BAHCC1: variants seen among roughly 807,000 people sequenced by gnomAD.
BAHCC1 encodes BAH domain and coiled-coil containing 1.
BAHCC1 carries 43 observed loss-of-function variants against 88.2 expected under a neutral mutation model. The ratio of observed to expected loss-of-function variants is 0.49; its 90% CI spans 0.38 to 0.63. The LOEUF is 0.63. Ranked by LOEUF, BAHCC1 falls within the 20% of genes least tolerant of loss-of-function variation. The pLI is 0.00. For missense variants in BAHCC1, 3,023 were observed against 1,654.8 expected, an observed-to-expected ratio of 1.83 and a Z score of -14.34; for synonymous variants, 1,510 against 745.5, an observed-to-expected ratio of 2.03 and a Z score of -16.71.
intron 2 of BAHCC1, among the ~76,000 whole-genome samples, chr17:81,419,154 G>A (rs2143337683): frequency 6.6e-6 from 1 of 152,304 alleles, no homozygotes; most frequent in South Asian, 2.1e-4. Context: ...ACACTGGGGT[G>A]GCATGTGGCT....
chr17:81,435,055 A>G lies in BAHCC1; in HGVS notation c.359-3315A>G, dbSNP rs782472474. The stretch of plus-strand genomic sequence containing the variant: ...CCGTCCCCAGCCCCCATTTCTCTGC[A>G]CGGTGCCCTCCCACTCCTCTGTCCT... On this transcript the variant is annotated intron_variant, in intron 3 of 27. Transcript: ENST00000675386. This position sits in a 1 kb window ranked among gnomAD's most constrained non-coding sequence, Gnocchi z 4.4. 2.8e-4 allele frequency among the ~76,000 whole-genome samples: 43 copies of G among 151,742 alleles called. No individual in the cohort carries two copies. The highest frequency in any genetic ancestry group is 5.7e-4 in the Non-Finnish European group (39 of 67,838).
intron 2 of BAHCC1, among the ~76,000 whole-genome samples, chr17:81,421,183 G>A (rs2064111572): frequency 6.6e-6 from 1 of 152,222 alleles, no homozygotes; most frequent in Non-Finnish European, 1.5e-5. Context: ...GCCTGGGCTG[G>A]TAACCACAGC....
Position 81,399,256 on chromosome 17 carries a change from A to G in BAHCC1, c.-206-278A>G. 2.5e-6 allele frequency: 1 copy of G among 398,744 alleles called. No homozygotes were observed. Among genetic ancestry groups the G allele is most frequent in the Non-Finnish European group, 5.1e-6 (1 of 197,730 alleles). The allele number at this position is 398,744 out of a possible 1,614,324, so 24.7% of individuals were successfully genotyped here. A position where few individuals can be genotyped will look rare whatever the true frequency, so the allele number is the denominator to read the frequency against. On this transcript the variant is annotated intron_variant, in intron 1 of 27. Transcript: ENST00000675386. This position sits in a 1 kb window ranked among gnomAD's most constrained non-coding sequence, Gnocchi z 4.5. The stretch of plus-strand genomic sequence containing the variant: ...AGCTGCAGGGACCCGCGGGGACGAG[A>G]ACGGGAGGCGGCGAGCAGTGCGGCT...
intron 11 of BAHCC1, among the ~76,000 whole-genome samples, chr17:81,449,064 C>T (rs1555655205): frequency 1.3e-5 from 2 of 152,172 alleles, no homozygotes; most frequent in East Asian, 1.9e-4. Flanking sequence ...CCAGAGTGGC[C>T]GGTCTGCCTG....
chr17:81,397,101 C>G (rs1190828017), intron 1 of BAHCC1: 2 of 152,382 alleles, frequency 1.3e-5, no homozygotes, highest in Admixed American at 1.3e-4. Flanking sequence ...TCCCCAGGCC[C>G]CCGAAGCCCG....
At chr17:81,446,098 G>T (rs1555654262) in intron 10 of BAHCC1, among the ~76,000 whole-genome samples, 2 of 151,876 alleles carry the variant, frequency 1.3e-5, no homozygotes, top group African/African-American at 4.8e-5. Context: ...GGGTGGGGGG[G>T]TCTCGGGCCT....
At chr17:81,400,827 A>G (rs1555645934) in intron 2 of BAHCC1, 1 of 154,370 alleles carries the variant, frequency 6.5e-6, no homozygotes, top group Non-Finnish European at 1.5e-5. Flanking sequence ...TGGCTTTGAT[A>G]TGAGTGTCGA....
chr17:81,440,058 C>T (rs1044042996), intron 4 of BAHCC1, among the ~76,000 whole-genome samples: 1 of 152,280 alleles, frequency 6.6e-6, no homozygotes, highest in Admixed American at 6.5e-5. Context: ...GAACTCACCA[C>T]CAGCCCCACC....
chr17:81,419,354 G>T (rs1017288341), intron 2 of BAHCC1, among the ~76,000 whole-genome samples: 27 of 152,364 alleles, frequency 1.8e-4, no homozygotes, highest in African/African-American at 5.8e-4. Flanking sequence ...ATCCACGCAG[G>T]AACCTGTGCA....
chr17:81,449,276 C>G (rs964516647), intron 11 of BAHCC1, among the ~76,000 whole-genome samples: 1 of 152,174 alleles, frequency 6.6e-6, no homozygotes, highest in Non-Finnish European at 1.5e-5. Context: ...ATGGTCCCCC[C>G]CTGGGCCCCC....
At chr17:81,408,685 C>T (rs1567996094) in intron 2 of BAHCC1, among the ~76,000 whole-genome samples, 1 of 152,198 alleles carries the variant, frequency 6.6e-6, no homozygotes, top group Non-Finnish European at 1.5e-5. Context: ...GGCCTGCAGC[C>T]CTTCTTGTCC....
In BAHCC1 at chr17:81,451,702, G is replaced by A. The variant is rs781953531; in HGVS notation, c.4011G>A (p.Gln1337=). The change falls in exon 12 of 28, where the codon CAG becomes CAA. Residue 1337 remains glutamine (Q), a synonymous_variant. Coordinates refer to ENST00000675386, the MANE Select transcript of BAHCC1 (RefSeq NM_001377448.1). ...AGGACGTGCTAGCCTTCAACCTGCA[G>A]CACCTGGCCACGCTGGCCACAGCCT... The part of the protein sequence containing the change: ...EEEDVLAFNL[Q]HLATLATAWS... The A allele has an allele frequency of 3.9e-6, 3 of 776,992 alleles. No individual in the cohort carries two copies. Among genetic ancestry groups the A allele is most frequent in the African/African-American group, 3.4e-5 (2 of 59,144 alleles). The allele number at this position is 776,992 out of a possible 1,614,324, so 48.1% of individuals were successfully genotyped here. A position where few individuals can be genotyped will look rare whatever the true frequency, so the allele number is the denominator to read the frequency against.
intron 1 of BAHCC1, among the ~76,000 whole-genome samples, chr17:81,397,335 C>T (rs1337197031): frequency 3.3e-5 from 5 of 150,820 alleles, no homozygotes; most frequent in African/African-American, 9.7e-5. Flanking sequence ...TAGCCGAGCC[C>T]GCGTCCCGAG....
Position 81,458,920 on chromosome 17 carries a change from A to C in BAHCC1, c.5556A>C (p.Glu1852Asp). The change falls in exon 20 of 28, where the codon GAA becomes GAC. Residue 1852 changes from glutamate to aspartate, a missense_variant. Coordinates refer to ENST00000675386, the MANE Select transcript of BAHCC1 (RefSeq NM_001377448.1). ...SFSEEEEDEE[E>D]EEEDSGPLSA... ...CGGAAGAGGAGGAGGACGAGGAGGA[A>C]GAGGAGGAGGACAGCGGCCCTCTGA... The C allele has an allele frequency of 1.3e-6, 1 of 770,010 alleles. No individual in the cohort carries two copies. The highest frequency in any genetic ancestry group is 2.4e-6 in the Non-Finnish European group (1 of 411,816). The allele number at this position is 770,010 out of a possible 1,614,324, so 47.7% of individuals were successfully genotyped here. A position where few individuals can be genotyped will look rare whatever the true frequency, so the allele number is the denominator to read the frequency against.
chr17:81,423,429 C>T (rs2064138787), intron 2 of BAHCC1, among the ~76,000 whole-genome samples: 1 of 152,134 alleles, frequency 6.6e-6, no homozygotes, highest in Admixed American at 6.5e-5. Flanking sequence ...CTGGATGAGG[C>T]ATCAGAAATT....
At position 81,442,214 on chromosome 17, in the gene BAHCC1, G is replaced by T. The variant is rs2064431042; in HGVS notation, c.865G>T (p.Val289Leu). 3.1e-6 allele frequency: 2 copies of T among 649,198 alleles called. No homozygotes were observed. Among genetic ancestry groups the T allele is most frequent in the Admixed American group, 5.5e-5 (2 of 36,576 alleles). 40.2% of individuals were successfully genotyped at this position (649,198 alleles called of 1,614,324 possible). Residue 289 changes from valine to leucine, a missense_variant, in exon 5 of 28, where the codon GTG becomes TTG. Transcript: ENST00000675386. The stretch of plus-strand genomic sequence containing the variant: ...CACCTCCTGCCTCCTCAACACCAAG[G>T]TGCTCAACGGCGAGATGGGCAGGGC... Reference protein sequence around the residue: ...HLTSCLLNTKVLNGEMGRAAL... With the variant: ...HLTSCLLNTKLLNGEMGRAAL...
chr17:81,441,094 C>T (rs782430185), intron 4 of BAHCC1, among the ~76,000 whole-genome samples: 1 of 152,024 alleles, frequency 6.6e-6, no homozygotes, highest in Non-Finnish European at 1.5e-5. Context: ...GCCTGCCCCG[C>T]GTCCCCCGAA....
At chr17:81,409,531 G>A (rs781807059) in intron 2 of BAHCC1, among the ~76,000 whole-genome samples, 3 of 152,242 alleles carry the variant, frequency 2.0e-5, no homozygotes, top group African/African-American at 4.8e-5. Flanking sequence ...GGGGCTGTGA[G>A]GCGACTCCCT....
At chr17:81,454,599 C>T (rs1044994605) in intron 14 of BAHCC1, among the ~76,000 whole-genome samples, 27 of 149,300 alleles carry the variant, frequency 1.8e-4, no homozygotes, top group African/African-American at 6.1e-4. Flanking sequence ...CCGGTTGGCA[C>T]GTCCTCTTCC....
Sources: allele counts gnomAD v4.1 joint callset (sites outside exome capture counted in the v4.1 genomes callset), GRCh38; gene constraint gnomAD v4.1.1; non-coding constraint Gnocchi (gnomAD v3.1); transcripts MANE v1.5; gene names NCBI Gene and HGNC (gene_info 2026-07-23, HGNC 2026-07-21).